The following DMXL1 variants were observed in gnomAD, a reference collection of about 807,000 sequenced individuals.
DMXL1 encodes the protein dmX-like protein 1.
DMXL1 carries 99 observed loss-of-function variants against 319.2 expected under a neutral mutation model. The ratio of observed to expected loss-of-function variants is 0.31; its 90% CI spans 0.26 to 0.37. The LOEUF (loss-of-function observed/expected upper bound fraction) is 0.37, where lower values mean the gene tolerates loss of function less well. DMXL1 is among the 10% of genes least tolerant of loss of function. The pLI is 1.00. For missense variants in DMXL1, 3,745 were observed against 3,595.6 expected (o/e 1.04, Z -1.06); for synonymous variants, 1,385 against 1,235.2 (o/e 1.12, Z -2.54).
At chr5:119,217,789 C>T (rs138554053) in intron 35 of DMXL1, among the ~76,000 whole-genome samples, 21 of 152,182 alleles carry the variant, frequency 1.4e-4, no homozygotes, top group Admixed American at 2.6e-4. Flanking sequence ...GTGTGATATA[C>T]GGGGAAATTA....
At chr5:119,241,376 C>CA (rs936546154) in intron 42 of DMXL1, among the ~76,000 whole-genome samples, 36 of 149,622 alleles carry the variant, frequency 2.4e-4, no homozygotes, top group African/African-American at 8.1e-4. Flanking sequence ...CTTAAAATAC[C>CA]AAAAAAAAAT....
intron 34 of DMXL1, among the ~76,000 whole-genome samples, chr5:119,213,745 A>G (rs1783199654): frequency 6.6e-6 from 1 of 152,184 alleles, no homozygotes; most frequent in Non-Finnish European, 1.5e-5. Context: ...TTTGGTTATT[A>G]TCTCCAGCCC....
At chr5:119,178,727 G>A (rs1175754979) in intron 28 of DMXL1, 1 of 902,314 alleles carries the variant, frequency 1.1e-6, no homozygotes, top group East Asian at 1.2e-4. Context: ...TTATCATTCA[G>A]CTTGCTTTGT....
intron 22 of DMXL1, 23 bp from the exon 23 acceptor site, chr5:119,167,580 A>G: frequency 6.5e-7 from 1 of 1,531,988 alleles, no homozygotes; most frequent in Non-Finnish European, 8.8e-7. Flanking sequence ...CTGCTTATTT[A>G]AAAACAATAT....
intron 1 of DMXL1, 147 bp from the exon 2 acceptor site, chr5:119,097,832 G>A: frequency 1.4e-6 from 1 of 735,946 alleles, no homozygotes; most frequent in Non-Finnish European, 2.1e-6. Flanking sequence ...AGTGCCAAAT[G>A]TAGATTTTTT....
chr5:119,192,806 C>T (rs1778929242), intron 29 of DMXL1, among the ~76,000 whole-genome samples: 1 of 152,054 alleles, frequency 6.6e-6, no homozygotes, highest in African/African-American at 2.4e-5. Context: ...TCTTGGTCTT[C>T]ATGATTTGGG....
chr5:119,104,083 T>A (rs1757831614), intron 3 of DMXL1: 1 of 152,182 alleles, frequency 6.6e-6, no homozygotes, highest in Non-Finnish European at 1.5e-5. Flanking sequence ...AATGTTTAGA[T>A]CCTTGTAAAA....
intron 4 of DMXL1, among the ~76,000 whole-genome samples, chr5:119,109,944 C>T (rs1580750491): frequency 6.6e-6 from 1 of 152,162 alleles, no homozygotes; most frequent in East Asian, 1.9e-4. Context: ...TCATTAAATA[C>T]TTGTTAAGTG....
chr5:119,191,238 A>G (rs965802016), intron 29 of DMXL1, among the ~76,000 whole-genome samples: 1 of 152,186 alleles, frequency 6.6e-6, no homozygotes, highest in African/African-American at 2.4e-5. Flanking sequence ...CTATATAAGT[A>G]TCTTTCACTT....
intron 5 of DMXL1, among the ~76,000 whole-genome samples, chr5:119,113,469 C>G (rs1468428923): frequency 6.6e-6 from 1 of 152,190 alleles, no homozygotes; most frequent in African/African-American, 2.4e-5. Context: ...TCTCGAACTC[C>G]TGACCTTGTG....
chr5:119,123,290 G>T (rs180706437), intron 9 of DMXL1, among the ~76,000 whole-genome samples: 207 of 150,906 alleles, frequency 1.4e-3, no homozygotes, highest in African/African-American at 4.9e-3. Context: ...GAGGGAGAGC[G>T]TGGAAAGAGG....
At chr5:119,122,548 G>T (rs1762405894) in intron 9 of DMXL1, among the ~76,000 whole-genome samples, 1 of 151,626 alleles carries the variant, frequency 6.6e-6, no homozygotes, top group Non-Finnish European at 1.5e-5. Flanking sequence ...TTCTCAGATG[G>T]GGCGGCTGCC....
Position 119,149,695 on chromosome 5 carries a change from G to A in DMXL1, c.3868G>A (p.Ala1290Thr). Residue 1290 changes from alanine to threonine, a missense_variant, in exon 18 of 44, where the codon GCA becomes ACA. This residue lies in a region of DMXL1 where 2,096 missense variants were observed against 1,985.4 expected (regional missense o/e 1.06). Transcript: ENST00000539542. ...TCTGACTCGATCCATGACCAGTCTT[G>A]CACAGAAAATCTGTGGAAAGAAAAC... ...KTLTRSMTSL[A>T]QKICGKKTAF... 1.2e-6 allele frequency: 2 copies of A among 1,613,998 alleles called. No homozygotes were observed. The highest frequency in any genetic ancestry group is 1.7e-5 in the Admixed American group (1 of 59,976).
chr5:119,220,657 A>T (rs1784494253), intron 36 of DMXL1, 64 bp downstream of exon 36: 1 of 1,545,602 alleles, frequency 6.5e-7, no homozygotes, highest in Non-Finnish European at 8.8e-7. Flanking sequence ...TTACTGAACT[A>T]AAACTTTCAA....
chr5:119,146,716 A>C (rs1768625840), intron 15 of DMXL1, 121 bp from the exon 16 acceptor site: 5 of 875,268 alleles, frequency 5.7e-6, no homozygotes, highest in Non-Finnish European at 8.4e-6. Context: ...CTTGTGTTTG[A>C]AGCCTTAGGT....
chr5:119,088,732 C>T (rs1052351695), intron 1 of DMXL1, among the ~76,000 whole-genome samples: 7 of 152,160 alleles, frequency 4.6e-5, no homozygotes, highest in Non-Finnish European at 1.0e-4. Flanking sequence ...AAAGGTATGA[C>T]AGCTTATATC....
intron 40 of DMXL1, among the ~76,000 whole-genome samples, chr5:119,238,686 A>G (rs1788200010): frequency 6.6e-6 from 1 of 152,186 alleles, no homozygotes; most frequent in Non-Finnish European, 1.5e-5. Context: ...ACGGGTCATG[A>G]TATATGCAGC....
Position 119,085,452 on chromosome 5 carries a change from C to T in DMXL1, c.88-12527C>T, listed in dbSNP as rs558123538. 2.5e-3 allele frequency among the ~76,000 whole-genome samples: 374 copies of T among 152,042 alleles called. 2 individuals carry two copies. Among genetic ancestry groups the T allele is most frequent in the African/African-American group, 8.3e-3 (345 of 41,490 alleles). ...TTTCTGATTTCTTTGTAAGATTGCT[C>T]GCCATTGGTGAGCATACAATGGTGT... On this transcript the variant is annotated intron_variant, in intron 1 of 43. Transcript: ENST00000539542.
intron 19 of DMXL1, 134 bp from the exon 20 acceptor site, chr5:119,164,373 C>A: frequency 1.3e-6 from 1 of 767,360 alleles, no homozygotes; most frequent in Non-Finnish European, 2.0e-6. Context: ...TTAAAAAAGC[C>A]CATATTTCCA....
Sources: gnomAD v4.1 joint callset for allele counts (sites outside exome capture counted in the v4.1 genomes callset) on GRCh38, gnomAD v4.1.1 for gene constraint, gnomAD v4.1.1 regional missense constraint, MANE v1.5 for transcripts, NCBI Gene and HGNC (gene_info 2026-07-23, HGNC 2026-07-21) for gene names.